Variants in MYO16 observed in about 807,000 individuals in gnomAD.
The protein encoded by MYO16 is unconventional myosin-XVI.
MYO16 carries 94 observed loss-of-function variants against 205.3 expected under a neutral mutation model. The ratio of observed to expected loss-of-function variants is 0.46; its 90% CI spans 0.39 to 0.54. The LOEUF (loss-of-function observed/expected upper bound fraction) is 0.54, where lower values mean the gene tolerates loss of function less well. MYO16 is among the 20% of genes least tolerant of loss of function. The pLI, the probability that MYO16 is intolerant of heterozygous loss-of-function variation, is 0.00. For synonymous variants in MYO16, 988 were observed against 954.0 expected (o/e 1.04, Z -0.66); for missense variants, 2,315 against 2,387.5 (o/e 0.97, Z 0.63).
At chr13:108,794,435 A>T (rs1179798536) in intron 6 of MYO16, among the ~76,000 whole-genome samples, 1 of 152,208 alleles carries the variant, frequency 6.6e-6, no homozygotes, top group African/African-American at 2.4e-5. Context: ...TAAGAATTTA[A>T]AATAATTTTT....
the MYO16 span, among the ~76,000 whole-genome samples, chr13:108,525,534 AC>A: frequency 6.6e-6 from 1 of 151,932 alleles, no homozygotes; most frequent in South Asian, 2.1e-4. Context: ...AGCACACACT[AC>A]CCCCCAGTTT....
intron 3 of MYO16, among the ~76,000 whole-genome samples, chr13:108,723,881 C>T (rs531466514): frequency 6.6e-6 from 1 of 152,222 alleles, no homozygotes; most frequent in Admixed American, 6.5e-5. Context: ...AATTATGACA[C>T]ATTTGGATTG....
intron 1 of MYO16, among the ~76,000 whole-genome samples, chr13:108,634,367 CCTT>C (rs1392931376): frequency 1.3e-5 from 2 of 152,192 alleles, no homozygotes; most frequent in Non-Finnish European, 2.9e-5. Flanking sequence ...AATTCTGTCT[CCTT>C]CTGCCTCCTG....
At chr13:108,522,508 T>G in the MYO16 span, among the ~76,000 whole-genome samples, 2 of 152,150 alleles carry the variant, frequency 1.3e-5, no homozygotes, top group Admixed American at 1.3e-4. Flanking sequence ...CTGGGTGGCT[T>G]TAACAACATA....
chr13:108,926,676 G>GT (rs1457000357), intron 16 of MYO16, among the ~76,000 whole-genome samples: 1 of 152,074 alleles, frequency 6.6e-6, no homozygotes, highest in African/African-American at 2.4e-5. Flanking sequence ...TAGGAGTGAT[G>GT]TTTTCTCAAG....
At chr13:108,922,751 T>C (rs1021667777) in intron 16 of MYO16, among the ~76,000 whole-genome samples, 4 of 152,242 alleles carry the variant, frequency 2.6e-5, no homozygotes, top group African/African-American at 9.6e-5. Context: ...TGTGTGTTTA[T>C]GTGTGTGCAC....
intron 24 of MYO16, chr13:109,048,300 C>A: frequency 1.4e-6 from 1 of 722,040 alleles, no homozygotes; most frequent in Non-Finnish European, 2.5e-6. Context: ...AAAAAAGTTC[C>A]AGGAAAAAAC....
At chr13:108,643,473 G>C (rs888120872) in intron 1 of MYO16, among the ~76,000 whole-genome samples, 1 of 152,166 alleles carries the variant, frequency 6.6e-6, no homozygotes, top group Non-Finnish European at 1.5e-5. Flanking sequence ...ATCCTGTACT[G>C]GTTCTTGTGT....
At chr13:108,561,017 A>G in the MYO16 span, among the ~76,000 whole-genome samples, 1 of 152,168 alleles carries the variant, frequency 6.6e-6, no homozygotes, top group East Asian at 1.9e-4. Flanking sequence ...GAGCTACTTG[A>G]TACAATAGAT....
chr13:108,972,247 C>CTATATATATATATA (rs1249747098), intron 20 of MYO16, among the ~76,000 whole-genome samples: 9 of 6,062 alleles, frequency 1.5e-3, no homozygotes, highest in Admixed American at 5.2e-3. Context: ...CTCTCTCTCT[C>CTATATATATATATA]TCTATATATA....
intron 2 of MYO16, among the ~76,000 whole-genome samples, chr13:108,687,297 G>C (rs939692273): frequency 6.6e-6 from 1 of 152,182 alleles, no homozygotes; most frequent in Non-Finnish European, 1.5e-5. Context: ...TGGCAGAAGT[G>C]GTATGGATAA....
chr13:109,024,913 A>C (rs1886313161), intron 23 of MYO16, among the ~76,000 whole-genome samples: 1 of 152,222 alleles, frequency 6.6e-6, no homozygotes, highest in South Asian at 2.1e-4. Flanking sequence ...GTTTCAAAAA[A>C]AGCAGCAACA....
At chr13:109,199,253 CT>C (rs1880311241) in intron 34 of MYO16, among the ~76,000 whole-genome samples, 1 of 133,068 alleles carries the variant, frequency 7.5e-6, no homozygotes, top group Non-Finnish European at 1.6e-5. Flanking sequence ...GTCATTTTGC[CT>C]CGCTCCATCT....
rs914037760 is a variant in MYO16 at position 109,162,307 on chromosome 13, G to A, written c.5165-2594G>A. Among the ~76,000 whole-genome samples the A allele has an allele frequency of 5.9e-5, 9 of 152,316 alleles. No individual in the cohort carries two copies. Among genetic ancestry groups the A allele is most frequent in the Admixed American group, 4.6e-4 (7 of 15,300 alleles). On this transcript the variant is annotated intron_variant, in intron 32 of 34. Coordinates refer to ENST00000457511, the MANE Select transcript of MYO16 (RefSeq NM_001198950.3). The surrounding 1 kb of genome is among the most constrained non-coding windows in gnomAD (Gnocchi z 4.6). ...GAGGATTCGTTTATTGCCACCAGGT[G>A]TAAGAGGACTGTGCTCATTCAAAGC... is the stretch of plus-strand genomic sequence containing the variant.
chr13:108,569,791 G>A, the MYO16 span, among the ~76,000 whole-genome samples: 1 of 150,934 alleles, frequency 6.6e-6, no homozygotes, highest in African/African-American at 2.4e-5. Context: ...TTGTGTAGAT[G>A]TCCTTTATTG....
intron 16 of MYO16, among the ~76,000 whole-genome samples, chr13:108,952,592 A>C (rs563059001): frequency 6.6e-6 from 1 of 152,356 alleles, no homozygotes; most frequent in East Asian, 1.9e-4. Flanking sequence ...AAACAGTATT[A>C]ATCCATCTGT....
At chr13:109,103,872 A>T (rs1214768415) in intron 28 of MYO16, among the ~76,000 whole-genome samples, 1 of 152,198 alleles carries the variant, frequency 6.6e-6, no homozygotes, top group Non-Finnish European at 1.5e-5. Flanking sequence ...GTAGTCGCAC[A>T]TGAGGTACTG....
At chr13:108,985,530 C>T (rs1039390887) in intron 20 of MYO16, among the ~76,000 whole-genome samples, 8 of 152,196 alleles carry the variant, frequency 5.3e-5, no homozygotes, top group African/African-American at 1.9e-4. Flanking sequence ...AGATATAACT[C>T]TTAACGATCA....
At chr13:108,944,205 A>T (rs80253903) in intron 16 of MYO16, among the ~76,000 whole-genome samples, 4 of 149,838 alleles carry the variant, frequency 2.7e-5, no homozygotes, top group Non-Finnish European at 4.5e-5. Context: ...TCTGGGAGAT[A>T]AAAAAAAAAT....
Sources: allele counts gnomAD v4.1 joint callset (sites outside exome capture counted in the v4.1 genomes callset), GRCh38; gene constraint gnomAD v4.1.1; non-coding constraint Gnocchi (gnomAD v3.1); transcripts MANE v1.5; gene names NCBI Gene and HGNC (gene_info 2026-07-23, HGNC 2026-07-21).